The following SLC7A14 variants were observed in gnomAD, a reference collection of about 807,000 sequenced individuals.
SLC7A14 encodes solute carrier family 7 member 14.
In SLC7A14, 37 loss-of-function variants were observed where a neutral mutation model predicts 60.2. The observed-to-expected ratio is 0.61, with a 90% CI of 0.47 to 0.81. The LOEUF is 0.81. Among genes scored for constraint, SLC7A14 ranks in the 30% least tolerant of loss-of-function variants. The probability of loss-of-function intolerance (pLI) is 0.00; values close to 1 mark genes in which losing one functional copy is unlikely to be tolerated. For missense variants in SLC7A14, 886 were observed against 982.7 expected (o/e 0.90, Z 1.32); for synonymous variants, 399 against 395.8 (o/e 1.01, Z -0.10).
Position 170,475,613 on chromosome 3 carries a change from T to C in SLC7A14, c.1993+4676A>G, listed in dbSNP as rs374578936. On this transcript the variant is annotated intron_variant, in intron 7 of 7. Transcript: ENST00000231706. ...CTGCTTGATAAAACTATGCTCCCCT[T>C]AGAGCAGTGGCACGCATTTGAGTCA... is the stretch of plus-strand genomic sequence containing the variant. Among the ~76,000 whole-genome samples the C allele has an allele frequency of 1.8e-4, 27 of 152,320 alleles. No individual in the cohort carries two copies. In the South Asian group the frequency reaches 4.1e-3, roughly 23 times the overall value.
At chr3:170,513,370 G>C (rs1396126366) in intron 2 of SLC7A14, among the ~76,000 whole-genome samples, 4 of 152,188 alleles carry the variant, frequency 2.6e-5, no homozygotes, top group Non-Finnish European at 5.9e-5. Context: ...AGAAGTCAAA[G>C]AAATGATAAG....
rs759980450 is a variant in SLC7A14, at chr3:170,495,270, C to CA, written c.759+3396dup. Among the ~76,000 whole-genome samples the CA allele has an allele frequency of 2.0e-4, 31 of 152,260 alleles. 1 individual carries two copies. In the East Asian group the frequency reaches 2.1e-3, roughly 10 times the overall value. On this transcript the variant is annotated intron_variant, in intron 4 of 7. Coordinates refer to ENST00000231706, the MANE Select transcript of SLC7A14 (RefSeq NM_020949.3). ...GAAAGCACAGAAGTTAATTGATGGCCAAAGTCTTCCAGTAAGTCCATGACC... is the reference window on the plus strand; with the variant it reads ...GAAAGCACAGAAGTTAATTGATGGCCAAAAGTCTTCCAGTAAGTCCATGACC...
At chr3:170,528,400 A>G (rs1713574207) in intron 1 of SLC7A14, among the ~76,000 whole-genome samples, 1 of 152,236 alleles carries the variant, frequency 6.6e-6, no homozygotes, top group East Asian at 1.9e-4. Context: ...TCATAAATGT[A>G]TAGAATTTTT....
chr3:170,483,179 C>T (rs1711889675), intron 6 of SLC7A14, 135 bp downstream of exon 6: 4 of 1,028,346 alleles, frequency 3.9e-6, no homozygotes, highest in South Asian at 3.1e-5. Flanking sequence ...GACTTTTCTT[C>T]AGGATACATA....
chr3:170,483,486 T>C lies in SLC7A14; in HGVS notation c.943A>G (p.Thr315Ala), dbSNP rs773245230. The change falls in exon 6 of 8, where the codon ACC (threonine) becomes GCC (alanine). Residue 315 changes from threonine to alanine, a missense_variant. By Grantham distance (58) the Thr-to-Ala change is moderately conservative. Coordinates refer to ENST00000231706, the MANE Select transcript of SLC7A14 (RefSeq NM_020949.3). ...ATGAGTGGGGATTCCGTGTCAATGG[T>C]ATAATATGGCACCATCAGAGTTAAG... is the stretch of plus-strand genomic sequence containing the variant. Reference protein sequence around the residue: ...VILTLMVPYYTIDTESPLMEM... With the variant: ...VILTLMVPYYAIDTESPLMEM... The C allele has an allele frequency of 1.9e-6, 3 of 1,614,172 alleles. No homozygotes were observed. Among genetic ancestry groups the C allele is most frequent in the East Asian group, 2.2e-5 (1 of 44,876 alleles).
chr3:170,518,755 C>T (rs75759198), intron 2 of SLC7A14, among the ~76,000 whole-genome samples: 4,449 of 152,160 alleles, frequency 0.029, 224 homozygotes, highest in African/African-American at 0.1. Context: ...GAAATAACTG[C>T]TTGGTAGGAT....
chr3:170,460,911 A>G lies in SLC7A14; in HGVS notation c.*6144T>C, dbSNP rs1317317644. ...TTCTGTGTGTGCAGAACACAGTTAA[A>G]TTATTATTATTATTATTTTTGAGAC... On this transcript the variant is annotated 3_prime_UTR_variant, in exon 8 of 8. Transcript: ENST00000231706. 1 of 152,048 alleles carries G rather than the reference A, an allele frequency of 6.6e-6. No homozygotes were observed. Among genetic ancestry groups the G allele is most frequent in the Non-Finnish European group, 1.5e-5 (1 of 68,020 alleles). The allele number at this position is 152,048 out of a possible 1,614,324, so 9.4% of individuals were successfully genotyped here.
chr3:170,481,442 C>T (rs1340477583), intron 6 of SLC7A14, among the ~76,000 whole-genome samples: 1 of 149,910 alleles, frequency 6.7e-6, no homozygotes, highest in Non-Finnish European at 1.5e-5. Flanking sequence ...TACTCTGTCC[C>T]CCAGGCTGGA....
rs1166658622 is a variant in SLC7A14 at position 170,467,434 on chromosome 3, C to T, written c.1994-57G>A. Reference sequence around the variant, plus strand: ...AAGCAATTGCTTTGGGATCCTGGGACTAGCAGAGAGATCACCTTCAGTGAT... The same window carrying T: ...AAGCAATTGCTTTGGGATCCTGGGATTAGCAGAGAGATCACCTTCAGTGAT... On this transcript the variant is annotated intron_variant, in intron 7 of 7. Transcript: ENST00000231706. The T allele has an allele frequency of 2.6e-6, 3 of 1,166,722 alleles. No individual in the cohort carries two copies. In the African/African-American group the frequency reaches 5.3e-5, roughly 21 times the overall value. 72.3% of individuals were successfully genotyped at this position (1,166,722 alleles called of 1,614,324 possible). A position where few individuals can be genotyped will look rare whatever the true frequency, so the allele number is the denominator to read the frequency against.
At chr3:170,562,801 G>A (rs573360029) in intron 1 of SLC7A14, among the ~76,000 whole-genome samples, 1 of 151,992 alleles carries the variant, frequency 6.6e-6, no homozygotes, top group African/African-American at 2.4e-5. Flanking sequence ...CTGTCACCCA[G>A]GCTGGAGTAC....
At position 170,585,443 on chromosome 3, in the gene SLC7A14, C is replaced by T. The variant is rs922164314; in HGVS notation, c.-153+468G>A. On this transcript the variant is annotated intron_variant, in intron 1 of 7. Coordinates refer to ENST00000231706, the MANE Select transcript of SLC7A14 (RefSeq NM_020949.3). This position sits in a 1 kb window ranked among gnomAD's most constrained non-coding sequence, Gnocchi z 5.1. ...CCGGAGTCTGCGGCCGGAAAAGCGT[C>T]TCCGTTTCATGGTCTCGGTCCGAGG... is the stretch of plus-strand genomic sequence containing the variant. Among the ~76,000 whole-genome samples the T allele has an allele frequency of 1.3e-4, 20 of 152,222 alleles. No homozygotes were observed. Among genetic ancestry groups the T allele is most frequent in the Non-Finnish European group, 2.5e-4 (17 of 68,032 alleles).
At chr3:170,524,529 G>A (rs1420885939) in intron 2 of SLC7A14, among the ~76,000 whole-genome samples, 1 of 152,154 alleles carries the variant, frequency 6.6e-6, no homozygotes, top group Non-Finnish European at 1.5e-5. Context: ...GAGATCTATT[G>A]AAAACTGTGT....
chr3:170,581,206 T>C (rs952951125), intron 1 of SLC7A14, among the ~76,000 whole-genome samples: 1 of 152,208 alleles, frequency 6.6e-6, no homozygotes, highest in Non-Finnish European at 1.5e-5. Flanking sequence ...AGAATTATTC[T>C]TGTTCTGATT....
At chr3:170,472,112 T>G (rs1739926367) in intron 7 of SLC7A14, among the ~76,000 whole-genome samples, 1 of 151,812 alleles carries the variant, frequency 6.6e-6, no homozygotes, top group Non-Finnish European at 1.5e-5. Context: ...CTCATGCCTG[T>G]AATCCCAGCA....
chr3:170,567,795 C>T (rs1222568523), intron 1 of SLC7A14, among the ~76,000 whole-genome samples: 1 of 151,860 alleles, frequency 6.6e-6, no homozygotes, highest in African/African-American at 2.4e-5. Flanking sequence ...TTTTTGGCTG[C>T]ATAAATGTCT....
intron 1 of SLC7A14, among the ~76,000 whole-genome samples, chr3:170,558,080 A>T (rs767883348): frequency 6.6e-6 from 1 of 152,116 alleles, no homozygotes; most frequent in African/African-American, 2.4e-5. Flanking sequence ...GGTTAAAGTC[A>T]ATGGAGGCTG....
chr3:170,523,467 C>T (rs1162018320), intron 2 of SLC7A14, among the ~76,000 whole-genome samples: 2 of 152,178 alleles, frequency 1.3e-5, no homozygotes, highest in South Asian at 2.1e-4. Context: ...TTGTGTTTCA[C>T]TTCCCTTCTT....
intron 2 of SLC7A14, among the ~76,000 whole-genome samples, chr3:170,514,123 T>A (rs899822974): frequency 6.6e-6 from 1 of 152,228 alleles, no homozygotes; most frequent in Non-Finnish European, 1.5e-5. Context: ...AGCTTTTTGA[T>A]TCCCTGGGGT....
intron 1 of SLC7A14, among the ~76,000 whole-genome samples, chr3:170,578,284 T>G (rs1055277608): frequency 5.9e-5 from 9 of 152,342 alleles, no homozygotes; most frequent in African/African-American, 2.2e-4. Context: ...GTCAATGACA[T>G]CAATTGCAAA....
Sources: allele counts gnomAD v4.1 joint callset (sites outside exome capture counted in the v4.1 genomes callset), GRCh38; gene constraint gnomAD v4.1.1; non-coding constraint Gnocchi (gnomAD v3.1); transcripts MANE v1.5; gene names NCBI Gene and HGNC (gene_info 2026-07-23, HGNC 2026-07-21).